Variants in RARB observed in about 807,000 individuals in gnomAD.
RARB encodes the protein retinoic acid receptor beta.
RARB carries 17 observed loss-of-function variants against 51.9 expected under a neutral mutation model. That is an observed-to-expected ratio of 0.33 (90% CI 0.22 to 0.49). RARB has a LOEUF of 0.49. RARB is among the 20% of genes least tolerant of loss of function. The probability of loss-of-function intolerance (pLI) is 0.99; values close to 1 mark genes in which losing one functional copy is unlikely to be tolerated. For missense variants in RARB, 369 were observed against 550.8 expected, an observed-to-expected ratio of 0.67 and a Z score of 3.30; for synonymous variants, 215 against 195.4, an observed-to-expected ratio of 1.10 and a Z score of -0.84.
chr3:25,387,743 T>C (rs931570186), intron 5 of RARB, among the ~76,000 whole-genome samples: 1 of 152,122 alleles, frequency 6.6e-6, no homozygotes, highest in African/African-American at 2.4e-5. Context: ...ACTTCAGCAA[T>C]GTCTTTGTTC....
chr3:24,914,043 G>A (rs115597225), intron 2 of RARB, among the ~76,000 whole-genome samples: 1,528 of 152,282 alleles, frequency 0.01, 18 homozygotes, highest in Middle Eastern at 0.024. Flanking sequence ...GGCCAAGATG[G>A]TGCCAATCAC....
intron 3 of RARB, among the ~76,000 whole-genome samples, chr3:25,562,982 A>G (rs1372225109): frequency 2.0e-5 from 3 of 152,266 alleles, no homozygotes; most frequent in Admixed American, 6.5e-5. Flanking sequence ...GAGATTTTCT[A>G]TAACTTCTTT....
At chr3:25,226,583 G>A (rs940855246) in intron 5 of RARB, among the ~76,000 whole-genome samples, 1 of 152,128 alleles carries the variant, frequency 6.6e-6, no homozygotes. Context: ...TATATGACAA[G>A]TGAACAAGTA....
Position 25,166,379 on chromosome 3 carries a change from G to A in RARB, c.-279-7740G>A, listed in dbSNP as rs73145384. The stretch of plus-strand genomic sequence containing the variant: ...GAGCCTGGTATTTTTGCTGAAAACA[G>A]GTACTTGGCTGGATGCATCTGAGAA... On this transcript the variant is annotated intron_variant, in intron 4 of 11. Coordinates refer to the RARB transcript ENST00000383772. Among the ~76,000 whole-genome samples, 693 of 152,194 alleles carry A rather than the reference G, an allele frequency of 4.6e-3. 7 individuals are homozygous for A. Among genetic ancestry groups the A allele is most frequent in the African/African-American group, 0.016 (652 of 41,518 alleles).
At chr3:25,162,399 C>T (rs566120321) in intron 4 of RARB, among the ~76,000 whole-genome samples, 7 of 152,284 alleles carry the variant, frequency 4.6e-5, no homozygotes, top group Middle Eastern at 3.4e-3. Flanking sequence ...ACAAACCACA[C>T]GCCCAGCCAT....
chr3:25,127,934 G>A (rs925034617), intron 3 of RARB, among the ~76,000 whole-genome samples: 2 of 151,924 alleles, frequency 1.3e-5, no homozygotes, highest in African/African-American at 2.4e-5. Context: ...CCACCATTTG[G>A]GTACATGTAC....
chr3:25,002,968 A>G lies in RARB; in HGVS notation c.-379-57157A>G, dbSNP rs148691082. Among the ~76,000 whole-genome samples the G allele has an allele frequency of 4.5e-3, 692 of 152,254 alleles. 2 individuals carry two copies. Among genetic ancestry groups the G allele is most frequent in the African/African-American group, 0.016 (673 of 41,550 alleles). ...TATGATTACTTTACAATAGTAAAAG[A>G]TCTTCATACCTAAAGTAATTGGCCA... On this transcript the variant is annotated intron_variant, in intron 2 of 11. Coordinates refer to the RARB transcript ENST00000383772.
chr3:24,955,853 C>G (rs1296635181), intron 2 of RARB, among the ~76,000 whole-genome samples: 5 of 152,110 alleles, frequency 3.3e-5, no homozygotes, highest in Non-Finnish European at 7.3e-5. Context: ...ATCAAGCCCC[C>G]TGGCCGATCT....
chr3:24,875,415 G>C (rs1703024418), intron 2 of RARB, among the ~76,000 whole-genome samples: 1 of 152,192 alleles, frequency 6.6e-6, no homozygotes, highest in Admixed American at 6.5e-5. Flanking sequence ...GTGATCTTGG[G>C]CAAGTTCCTT....
At chr3:25,343,240 G>C (rs1705286783) in intron 5 of RARB, among the ~76,000 whole-genome samples, 1 of 151,990 alleles carries the variant, frequency 6.6e-6, no homozygotes, top group Non-Finnish European at 1.5e-5. Flanking sequence ...TCTACTCTAG[G>C]CTATGAGAAT....
At chr3:24,902,588 A>G (rs6767309) in intron 2 of RARB, among the ~76,000 whole-genome samples, 2,064 of 152,246 alleles carry the variant, frequency 0.014, 50 homozygotes, top group African/African-American at 0.048. Context: ...TGTACAGTGA[A>G]CCGAGGATGA....
intron 5 of RARB, among the ~76,000 whole-genome samples, chr3:25,221,483 T>G (rs148694435): frequency 6.6e-6 from 1 of 152,202 alleles, no homozygotes. Context: ...CTTAGAAGTT[T>G]AATAAATAAT....
intron 2 of RARB, among the ~76,000 whole-genome samples, chr3:24,968,103 A>G (rs1001147262): frequency 7.9e-5 from 12 of 152,138 alleles, no homozygotes; most frequent in African/African-American, 2.7e-4. Context: ...TTGGAGCATC[A>G]GCCAGTTAAA....
chr3:25,591,299 C>T lies in RARB; in HGVS notation c.787-2204C>T, dbSNP rs545434208. 5.9e-5 allele frequency among the ~76,000 whole-genome samples: 9 copies of T among 152,280 alleles called. No individual in the cohort carries two copies. The East Asian group carries it at 9.6e-4, about 16-fold the overall frequency. ...CTCTACCACCCCTCCCAATATAAAA[C>T]GAAGTTTCTGTTTCCAGGCCACAAG... On this transcript the variant is annotated intron_variant, in intron 5 of 7. Coordinates refer to ENST00000330688, the MANE Select transcript of RARB (RefSeq NM_000965.5).
chr3:25,224,273 TATCTAAACCTAAGAGG>T (rs1324188767), intron 5 of RARB, among the ~76,000 whole-genome samples: 1 of 152,202 alleles, frequency 6.6e-6, no homozygotes, highest in African/African-American at 2.4e-5. Context: ...TGCTTGTTCA[TATCTAAACCTAAGAGG>T]ACTGCTAGTA....
intron 5 of RARB, among the ~76,000 whole-genome samples, chr3:25,328,231 G>T (rs576650563): frequency 6.6e-6 from 1 of 152,332 alleles, no homozygotes; most frequent in East Asian, 1.9e-4. Flanking sequence ...TTAAGTAGTT[G>T]CCTCTAGGCC....
intron 2 of RARB, 128 bp downstream of exon 2, chr3:25,461,469 A>T: frequency 4.5e-6 from 5 of 1,119,480 alleles, no homozygotes; most frequent in Non-Finnish European, 6.2e-6. Context: ...GAATTCAGTT[A>T]TATTCAGTGG....
chr3:25,017,086 A>C (rs1697526154), intron 2 of RARB, among the ~76,000 whole-genome samples: 1 of 152,166 alleles, frequency 6.6e-6, no homozygotes, highest in Admixed American at 6.6e-5. Flanking sequence ...CTTGGTGTGG[A>C]GTGGCAGGGC....
intron 2 of RARB, among the ~76,000 whole-genome samples, chr3:24,878,815 T>C (rs1703101018): frequency 6.6e-6 from 1 of 152,224 alleles, no homozygotes; most frequent in Non-Finnish European, 1.5e-5. Flanking sequence ...TTGTGGTTTT[T>C]CTTGGACTAG....
Sources: allele counts gnomAD v4.1 joint callset (sites outside exome capture counted in the v4.1 genomes callset), GRCh38; gene constraint gnomAD v4.1.1; transcripts MANE v1.5; gene names NCBI Gene and HGNC (gene_info 2026-07-23, HGNC 2026-07-21).